The following PIP5K1A variants were observed in gnomAD, a reference collection of about 807,000 sequenced individuals.
The protein encoded by PIP5K1A is phosphatidylinositol-4-phosphate 5-kinase type 1 alpha.
Under a neutral mutation model 72.9 loss-of-function variants are expected in PIP5K1A, and 46 were observed. That is an observed-to-expected ratio of 0.63 (90% CI 0.50 to 0.81). The LOEUF (loss-of-function observed/expected upper bound fraction) is 0.81, where lower values mean the gene tolerates loss of function less well. Among genes scored for constraint, PIP5K1A ranks in the 30% least tolerant of loss-of-function variants. The pLI is 0.00. For missense variants in PIP5K1A, 458 were observed against 706.1 expected, an observed-to-expected ratio of 0.65 and a Z score of 3.98; for synonymous variants, 228 against 255.1, an observed-to-expected ratio of 0.89 and a Z score of 1.01.
At chr1:151,241,613 C>A (rs1691720296) in intron 12 of PIP5K1A, among the ~76,000 whole-genome samples, 1 of 151,116 alleles carries the variant, frequency 6.6e-6, no homozygotes, top group Non-Finnish European at 1.5e-5. Flanking sequence ...CCAGCCTGAC[C>A]AACATGGTGA....
intron 1 of PIP5K1A, chr1:151,215,977 G>T (rs868381959): frequency 7.7e-7 from 1 of 1,303,324 alleles, no homozygotes; most frequent in Middle Eastern, 2.1e-4. Context: ...AACTTTCTGT[G>T]CTGTGGGGTC....
At chr1:151,219,096 G>A (rs1013559305) in intron 1 of PIP5K1A, among the ~76,000 whole-genome samples, 1 of 151,866 alleles carries the variant, frequency 6.6e-6, no homozygotes, top group Non-Finnish European at 1.5e-5. Flanking sequence ...AAATTGGAAA[G>A]TAGGCTGGGC....
In PIP5K1A at chr1:151,232,629, G is replaced by A; in HGVS notation, c.565G>A (p.Asp189Asn). 6.2e-7 allele frequency: 1 copy of A among 1,612,732 alleles called. No individual in the cohort carries two copies. Residue 189 changes from aspartate (D) to asparagine (N), a missense_variant, in exon 7 of 16, where the codon GAT becomes AAT. Around this residue, in one of 3 missense-constraint regions of PIP5K1A, gnomAD observed 220 missense variants for 442.6 expected, o/e 0.50. Transcript: ENST00000368888. ...TTCCCTATTCTATGTGTCCAGCGAC[G>A]ATGAGTTCATTATTAAGACAGTCCA... ...SGSLFYVSSD[D>N]EFIIKTVQHK...
rs941792606 is a variant in PIP5K1A, at chr1:151,249,056, C to G, written c.*1191C>G. 7 of 152,170 alleles carry G rather than the reference C, an allele frequency of 4.6e-5. No homozygotes were observed. Among genetic ancestry groups the G allele is most frequent in the African/African-American group, 1.7e-4 (7 of 41,434 alleles). The allele number at this position is 152,170 out of a possible 1,614,324, so 9.4% of individuals were successfully genotyped here. A position where few individuals can be genotyped will look rare whatever the true frequency, so the allele number is the denominator to read the frequency against. On this transcript the variant is annotated 3_prime_UTR_variant, in exon 16 of 16. Transcript: ENST00000368888. Reference sequence around the variant, plus strand: ...TGGGGGCTACATATGCCCTCTCCTCCCCGTCTACAAGAGTTGTGGTTTTCC... The same window carrying G: ...TGGGGGCTACATATGCCCTCTCCTCGCCGTCTACAAGAGTTGTGGTTTTCC...
chr1:151,219,960 G>A (rs1372612371), intron 1 of PIP5K1A, among the ~76,000 whole-genome samples: 1 of 150,326 alleles, frequency 6.7e-6, no homozygotes, highest in African/African-American at 2.5e-5. Context: ...CAAAGTACTG[G>A]GATTATAGAT....
At chr1:151,219,634 C>T (rs1391619675) in intron 1 of PIP5K1A, among the ~76,000 whole-genome samples, 1 of 151,794 alleles carries the variant, frequency 6.6e-6, no homozygotes, top group Non-Finnish European at 1.5e-5. Flanking sequence ...GTGGAGGTTG[C>T]GGTGATCCGA....
chr1:151,245,330 C>T (rs965408886), intron 14 of PIP5K1A, among the ~76,000 whole-genome samples: 2 of 152,156 alleles, frequency 1.3e-5, no homozygotes, highest in African/African-American at 2.4e-5. Context: ...TCCTTTCCTT[C>T]AAGTTCCAAT....
At chr1:151,240,364 G>GT (rs920645145) in intron 12 of PIP5K1A, 1 of 315,812 alleles carries the variant, frequency 3.2e-6, no homozygotes, top group African/African-American at 2.3e-5. Flanking sequence ...CAGAGCCTAT[G>GT]TACAGAGATA....
upstream of PIP5K1A, among the ~76,000 whole-genome samples, chr1:151,196,056 C>A (rs58323986): frequency 0.64 from 96,157 of 151,150 alleles, 30,946 homozygotes; most frequent in Non-Finnish European, 0.7. Flanking sequence ...GGCCAACTCA[C>A]CCGGCTAATT....
intron 1 of PIP5K1A, among the ~76,000 whole-genome samples, chr1:151,216,789 A>C (rs587694403): frequency 6.6e-6 from 1 of 152,168 alleles, no homozygotes; most frequent in Non-Finnish European, 1.5e-5. Context: ...TTGAATTCTC[A>C]TAACAACCTT....
intron 11 of PIP5K1A, among the ~76,000 whole-genome samples, chr1:151,239,653 A>G (rs772809825): frequency 1.3e-5 from 2 of 151,936 alleles, no homozygotes; most frequent in African/African-American, 4.8e-5. Flanking sequence ...TCAGCCTCCC[A>G]TGTAGCTGGG....
At chr1:151,226,642 G>A (rs1417600259) in intron 3 of PIP5K1A, among the ~76,000 whole-genome samples, 1 of 151,372 alleles carries the variant, frequency 6.6e-6, no homozygotes, top group East Asian at 2.0e-4. Context: ...GAACCCGGGA[G>A]GTGGAGGTTG....
chr1:151,201,539 A>G (rs2101847021), intron 1 of PIP5K1A, among the ~76,000 whole-genome samples: 1 of 151,854 alleles, frequency 6.6e-6, no homozygotes, highest in South Asian at 2.1e-4. Context: ...TGTTTTTAGT[A>G]GTGATGGGGT....
At chr1:151,216,094 A>C in intron 1 of PIP5K1A, 1 of 639,280 alleles carries the variant, frequency 1.6e-6, no homozygotes, top group Non-Finnish European at 2.6e-6. Flanking sequence ...CAGACTTCTA[A>C]TCCCAGCACC....
At chr1:151,215,092 G>A (rs1454047526) in intron 1 of PIP5K1A, among the ~76,000 whole-genome samples, 2 of 147,448 alleles carry the variant, frequency 1.4e-5, no homozygotes, top group African/African-American at 5.0e-5. Context: ...GTGCAATGGC[G>A]CGATCTCAGC....
intron 8 of PIP5K1A, among the ~76,000 whole-genome samples, chr1:151,235,711 G>A (rs1690750705): frequency 6.6e-6 from 1 of 152,216 alleles, no homozygotes; most frequent in Non-Finnish European, 1.5e-5. Context: ...TTTTGAGAAG[G>A]TAGTGTTCTC....
rs1684863780 is a variant in PIP5K1A at position 151,199,296 on chromosome 1, G to T, written c.85+215G>T. ...TGTCGAAAACTTTGGTTGTCTTTGA[G>T]GAGGACGGATGGAGATTGAAGGTGG... On this transcript the variant is annotated intron_variant, in intron 1 of 15. Coordinates refer to ENST00000368888, the MANE Select transcript of PIP5K1A (RefSeq NM_001135638.2). The T allele has an allele frequency of 7.4e-6, 7 of 945,674 alleles. No homozygotes were observed. In the South Asian group the frequency reaches 1.2e-4, roughly 17 times the overall value. The allele number at this position is 945,674 out of a possible 1,614,324, so 58.6% of individuals were successfully genotyped here. A position where few individuals can be genotyped will look rare whatever the true frequency, so the allele number is the denominator to read the frequency against.
intron 1 of PIP5K1A, among the ~76,000 whole-genome samples, chr1:151,221,132 C>A (rs759561407): frequency 6.6e-6 from 1 of 152,116 alleles, no homozygotes; most frequent in East Asian, 1.9e-4. Flanking sequence ...GTTTCCAAAC[C>A]CTGTAGTATT....
chr1:151,230,197 A>G (rs947556008), intron 4 of PIP5K1A, among the ~76,000 whole-genome samples: 1 of 152,278 alleles, frequency 6.6e-6, no homozygotes, highest in African/African-American at 2.4e-5. Context: ...GAGCAAAGCT[A>G]TCTAATCAAA....
Sources: allele counts gnomAD v4.1 joint callset (sites outside exome capture counted in the v4.1 genomes callset), GRCh38; gene constraint gnomAD v4.1.1; regional missense constraint gnomAD v4.1.1; transcripts MANE v1.5; gene names NCBI Gene and HGNC (gene_info 2026-07-23, HGNC 2026-07-21).